Variants in PTRH1 observed in about 807,000 individuals in gnomAD.
PTRH1 encodes peptidyl-tRNA hydrolase.
In PTRH1, 13 loss-of-function variants were observed where a neutral mutation model predicts 15.7. The ratio of observed to expected loss-of-function variants is 0.83; its 90% CI spans 0.54 to 1.31. The LOEUF (loss-of-function observed/expected upper bound fraction) is 1.31, where lower values mean the gene tolerates loss of function less well. PTRH1 is among the 40% of genes most tolerant of loss of function. The pLI, the probability that PTRH1 is intolerant of heterozygous loss-of-function variation, is 0.00. For missense variants in PTRH1, 319 were observed against 296.2 expected, an observed-to-expected ratio of 1.08 and a Z score of -0.56; for synonymous variants, 139 against 136.7, an observed-to-expected ratio of 1.02 and a Z score of -0.12.
intron 1 of PTRH1, chr9:127,707,317 C>A: frequency 1.1e-6 from 1 of 936,390 alleles, no homozygotes; most frequent in East Asian, 2.6e-5. Flanking sequence ...ATGTCCAGAC[C>A]CCATCCCGAC....
intron 1 of PTRH1, chr9:127,695,475 C>G (rs1842551463): frequency 4.0e-6 from 1 of 248,532 alleles, no homozygotes; most frequent in African/African-American, 2.2e-5. Context: ...GGCAAACTGA[C>G]AAACTGCATC....
chr9:127,715,290 A>T lies in PTRH1; in HGVS notation c.97-96T>A. 7.2e-7 allele frequency: 1 copy of T among 1,393,988 alleles called. No individual in the cohort carries two copies. The highest frequency in any genetic ancestry group is 2.5e-5 in the East Asian group (1 of 40,248). The allele number at this position is 1,393,988 out of a possible 1,614,324, so 86.4% of individuals were successfully genotyped here. On this transcript the variant is annotated intron_variant, in intron 1 of 4. Coordinates refer to ENST00000543175, the MANE Select transcript of PTRH1 (RefSeq NM_001002913.3). The surrounding 1 kb of genome is among the most constrained non-coding windows in gnomAD (Gnocchi z 5.8). ...CCCCAACGCAGAGGAGCGGAAACGC[A>T]GAGCAACGCTGCAGTGGGGAAGGGG...
chr9:127,710,564 C>T (rs1351726777), downstream of PTRH1: 1 of 1,559,030 alleles, frequency 6.4e-7, no homozygotes, highest in Admixed American at 1.9e-5. Context: ...TCCTCTGAGG[C>T]AGCCCATCAT....
At chr9:127,703,768 G>A (rs979344446) in intron 1 of PTRH1, among the ~76,000 whole-genome samples, 3 of 152,210 alleles carry the variant, frequency 2.0e-5, no homozygotes, top group Non-Finnish European at 2.9e-5. Context: ...AGCTGGTCTC[G>A]CCCCGCCTGG....
In PTRH1 at chr9:127,705,718, G is replaced by A. The variant is rs1416452069; in HGVS notation, c.205+9717C>T. Among the ~76,000 whole-genome samples the A allele has an allele frequency of 6.6e-6, 1 of 152,220 alleles. No individual in the cohort carries two copies. Among genetic ancestry groups the A allele is most frequent in the African/African-American group, 2.4e-5 (1 of 41,458 alleles). Reference sequence around the variant, plus strand: ...AGCAGCTGTTCAGGCGGGGGAGGGGGCAATGTCCAGCAGGAGCAGGGCCAT... The same window carrying A: ...AGCAGCTGTTCAGGCGGGGGAGGGGACAATGTCCAGCAGGAGCAGGGCCAT... On this transcript the variant is annotated intron_variant, in intron 1 of 2. Coordinates refer to the PTRH1 transcript ENST00000335223. The surrounding 1 kb of genome is among the most constrained non-coding windows in gnomAD (Gnocchi z 4.7).
At chr9:127,707,214 AG>A in intron 1 of PTRH1, 1 of 1,604,646 alleles carries the variant, frequency 6.2e-7, no homozygotes, top group Non-Finnish European at 8.5e-7. Flanking sequence ...GGCGGGCAGG[AG>A]TCTGGTGCCC....
chr9:127,712,994 T>TGTGACCCTCGGCCCC, downstream of PTRH1: 1 of 1,608,830 alleles, frequency 6.2e-7, no homozygotes, highest in South Asian at 1.1e-5. Context: ...CCGAAGGCTC[T>TGTGACCCTCGGCCCC]GTGACCCTCG....
intron 1 of PTRH1, among the ~76,000 whole-genome samples, chr9:127,700,616 A>C (rs754295432): frequency 6.6e-6 from 1 of 152,242 alleles, no homozygotes; most frequent in Non-Finnish European, 1.5e-5. Context: ...AGACTGGCAG[A>C]GCAGACTCTT....
At chr9:127,696,631 G>A (rs1252731427) in intron 1 of PTRH1, among the ~76,000 whole-genome samples, 1 of 152,186 alleles carries the variant, frequency 6.6e-6, no homozygotes, top group African/African-American at 2.4e-5. Flanking sequence ...AGGCCAAGGA[G>A]GGTGGATCAC....
chr9:127,706,085 A>T (rs987113463), intron 1 of PTRH1, among the ~76,000 whole-genome samples: 1 of 152,192 alleles, frequency 6.6e-6, no homozygotes, highest in Non-Finnish European at 1.5e-5. Flanking sequence ...AACTTTACAG[A>T]TGCGGTCTTG....
chr9:127,715,287 C>A lies in PTRH1; in HGVS notation c.97-93G>T. ...GGGCCCCAACGCAGAGGAGCGGAAA[C>A]GCAGAGCAACGCTGCAGTGGGGAAG... On this transcript the variant is annotated intron_variant, in intron 1 of 4. Coordinates refer to ENST00000543175, the MANE Select transcript of PTRH1 (RefSeq NM_001002913.3). The surrounding 1 kb of genome is among the most constrained non-coding windows in gnomAD (Gnocchi z 5.8). 3 of 1,391,652 alleles carry A rather than the reference C, an allele frequency of 2.2e-6. No homozygotes were observed. The highest frequency in any genetic ancestry group is 3.0e-6 in the Non-Finnish European group (3 of 1,015,170). The allele number at this position is 1,391,652 out of a possible 1,614,324, so 86.2% of individuals were successfully genotyped here.
At chr9:127,713,594 C>T (rs1588397113), downstream of PTRH1, 1 of 431,092 alleles carries the variant, frequency 2.3e-6, no homozygotes, top group East Asian at 4.7e-5. Flanking sequence ...GCAACCTCCG[C>T]CTCCCAGGTT....
At chr9:127,695,524 A>G (rs2131573931) in intron 1 of PTRH1, 1 of 188,224 alleles carries the variant, frequency 5.3e-6, no homozygotes, top group South Asian at 1.4e-4. Flanking sequence ...CCACTCCCTA[A>G]GCGCAGTTTT....
Position 127,713,839 on chromosome 9 carries a change from T to A in PTRH1, c.*261A>T. 1.9e-6 allele frequency: 3 copies of A among 1,613,830 alleles called. No homozygotes were observed. The highest frequency in any genetic ancestry group is 1.7e-6 in the Non-Finnish European group (2 of 1,179,948). On this transcript the variant is annotated 3_prime_UTR_variant, in exon 5 of 5. Transcript: ENST00000543175. ...CAGCATCTTTAATCTTACAGATGCGTGCCCCTGGTTCTCTAAAAAGGCTTG... is the reference window on the plus strand; with the variant it reads ...CAGCATCTTTAATCTTACAGATGCGAGCCCCTGGTTCTCTAAAAAGGCTTG...
At position 127,714,009 on chromosome 9, in the gene PTRH1, A is replaced by G. The variant is rs1842833350; in HGVS notation, c.*91T>C. On this transcript the variant is annotated 3_prime_UTR_variant, in exon 5 of 5. Transcript: ENST00000543175. ...GAACAGTCTAGAGGAGATTTGTATAAAAAGTAGATACCAAGGCTGGCGTGG... is the reference window on the plus strand; with the variant it reads ...GAACAGTCTAGAGGAGATTTGTATAGAAAGTAGATACCAAGGCTGGCGTGG... 2 of 1,582,218 alleles carry G rather than the reference A, an allele frequency of 1.3e-6. No individual in the cohort carries two copies. The highest frequency in any genetic ancestry group is 8.7e-7 in the Non-Finnish European group (1 of 1,153,104).
Position 127,713,991 on chromosome 9 carries a change from C to G in PTRH1, c.*109G>C. ...TAATCCGCAGGCAGCCTGGAACAGT[C>G]TAGAGGAGATTTGTATAAAAAGTAG... On this transcript the variant is annotated 3_prime_UTR_variant, in exon 5 of 5. Coordinates refer to ENST00000543175, the MANE Select transcript of PTRH1 (RefSeq NM_001002913.3). The G allele has an allele frequency of 3.2e-6, 5 of 1,577,558 alleles. No homozygotes were observed. Among genetic ancestry groups the G allele is most frequent in the Middle Eastern group, 1.7e-4 (1 of 5,986 alleles).
Position 127,715,353 on chromosome 9 carries a change from T to C in PTRH1, c.97-159A>G, listed in dbSNP as rs1046675126. 46 of 1,228,256 alleles carry C rather than the reference T, an allele frequency of 3.7e-5. No individual in the cohort carries two copies. Among genetic ancestry groups the C allele is most frequent in the Non-Finnish European group, 5.0e-5 (43 of 865,044 alleles). 76.1% of individuals were successfully genotyped at this position (1,228,256 alleles called of 1,614,324 possible). ...GCCCAGAAACCCGACCCCTGAGAACTCCAGAAGGCTGGGCAGGCAGGGCGC... is the reference window on the plus strand; with the variant it reads ...GCCCAGAAACCCGACCCCTGAGAACCCCAGAAGGCTGGGCAGGCAGGGCGC... On this transcript the variant is annotated intron_variant, in intron 1 of 4. Transcript: ENST00000543175. The surrounding 1 kb of genome is among the most constrained non-coding windows in gnomAD (Gnocchi z 5.8).
Position 127,695,143 on chromosome 9 carries a change from T to G in PTRH1, c.206-2A>C, listed in dbSNP as rs918174178. The G allele has an allele frequency of 4.9e-5, 34 of 693,626 alleles. No individual in the cohort carries two copies. In the Admixed American group the frequency reaches 5.3e-4, roughly 11 times the overall value. The allele number at this position is 693,626 out of a possible 1,614,324, so 43.0% of individuals were successfully genotyped here. On this transcript the variant is annotated splice_acceptor_variant, in intron 1 of 2. Coordinates refer to the PTRH1 transcript ENST00000335223. LOFTEE classifies it high-confidence loss of function. Reference sequence around the variant, plus strand: ...GTTGACGATGAGTCCAAGCCAAGCCTGGGGAGAAAAGAATAAATAGTCTCA... The same window carrying G: ...GTTGACGATGAGTCCAAGCCAAGCCGGGGGAGAAAAGAATAAATAGTCTCA...
intron 1 of PTRH1, among the ~76,000 whole-genome samples, chr9:127,699,261 C>CA (rs1269627376): frequency 6.6e-6 from 1 of 152,226 alleles, no homozygotes; most frequent in African/African-American, 2.4e-5. Flanking sequence ...GGTGGGACTC[C>CA]ACCCGGAGTT....
Sources: gnomAD v4.1 joint callset for allele counts (sites outside exome capture counted in the v4.1 genomes callset) on GRCh38, gnomAD v4.1.1 for gene constraint, Gnocchi (gnomAD v3.1) non-coding constraint, MANE v1.5 for transcripts, NCBI Gene and HGNC (gene_info 2026-07-23, HGNC 2026-07-21) for gene names.